DMD: variants seen among roughly 807,000 people sequenced by gnomAD.
DMD encodes the protein dystrophin, also known as mutant dystrophin.
In DMD, 63 loss-of-function variants were observed where a neutral mutation model predicts 330.1. The ratio of observed to expected loss-of-function variants is 0.19; its 90% CI spans 0.16 to 0.24. DMD has a LOEUF of 0.24. Among genes scored for constraint, DMD ranks in the 10% least tolerant of loss-of-function variants. The pLI is 1.00. For missense variants in DMD, 3,344 were observed against 2,684.1 expected (o/e 1.25, Z -5.43); for synonymous variants, 1,223 against 959.8 (o/e 1.27, Z -5.07).
Position 31,995,176 on chromosome X carries a change from T to TTAC in DMD, c.6439-26663_6439-26662insGTA, listed in dbSNP as rs760667488. ...GAGCGCATAAGTTATTACATTTGTA[T>TTAC]TTACTTACTTAAATATTTATTCATT... On this transcript the variant is annotated intron_variant, in intron 44 of 78. Transcript: ENST00000357033. Among the ~76,000 whole-genome samples the TTAC allele has an allele frequency of 6.2e-5, 7 of 112,018 alleles. No individual in the cohort carries two copies. In the East Asian group the frequency reaches 2.0e-3, roughly 32 times the overall value.
chrX:32,730,243 G>C (rs1367682878), intron 7 of DMD, among the ~76,000 whole-genome samples: 1 of 112,269 alleles, frequency 8.9e-6, no homozygotes, highest in Non-Finnish European at 1.9e-5. Flanking sequence ...TTACTCAGGA[G>C]GCTGAGCTAG....
At chrX:31,952,219 T>G (rs2095191042) in intron 45 of DMD, among the ~76,000 whole-genome samples, 1 of 111,608 alleles carries the variant, frequency 9.0e-6, no homozygotes, top group Non-Finnish European at 1.9e-5. Context: ...TTTATTCTAT[T>G]TGGGGTTTGT....
In DMD at chrX:33,096,796, G is replaced by A. The variant is rs751304834; in HGVS notation, c.32-76596C>T. On this transcript the variant is annotated intron_variant, in intron 1 of 78. Coordinates refer to ENST00000357033, the MANE Select transcript of DMD (RefSeq NM_004006.3). ...GCTGGGATTATAGGCGCGAGCCACC[G>A]CACCTGGCCAAAGGGACAATATTTC... Among the ~76,000 whole-genome samples the A allele has an allele frequency of 5.3e-5, 6 of 112,599 alleles. No individual in the cohort carries two copies. The South Asian group carries it at 1.4e-3, about 27-fold the overall frequency.
chrX:32,974,170 A>G (rs2092471087), intron 2 of DMD, among the ~76,000 whole-genome samples: 1 of 111,993 alleles, frequency 8.9e-6, no homozygotes, highest in Non-Finnish European at 1.9e-5. Context: ...ACATTATGCA[A>G]AATGAAAGAT....
intron 37 of DMD, among the ~76,000 whole-genome samples, chrX:32,359,384 T>C (rs2097821811): frequency 8.9e-6 from 1 of 112,179 alleles, no homozygotes; most frequent in Non-Finnish European, 1.9e-5. Flanking sequence ...CTGAAATTAC[T>C]GATTACAAAG....
intron 7 of DMD, among the ~76,000 whole-genome samples, chrX:32,790,071 G>A (rs1237896055): frequency 1.8e-5 from 2 of 111,500 alleles, no homozygotes; most frequent in Admixed American, 9.6e-5. Flanking sequence ...AACTCCACAC[G>A]ATTGCCATAA....
chrX:32,536,509 C>T (rs780353128), intron 17 of DMD, among the ~76,000 whole-genome samples: 7 of 111,739 alleles, frequency 6.3e-5, no homozygotes, highest in Admixed American at 1.9e-4. Flanking sequence ...TAGGGCAGTG[C>T]GGAACAAAGT....
chrX:31,405,318 G>C (rs1001309329), intron 60 of DMD, among the ~76,000 whole-genome samples: 1 of 112,077 alleles, frequency 8.9e-6, no homozygotes, highest in Non-Finnish European at 1.9e-5. Flanking sequence ...GTTTAAAATG[G>C]AAAGACATGG....
At chrX:32,432,448 G>A (rs188900623) in intron 29 of DMD, among the ~76,000 whole-genome samples, 195 of 111,371 alleles carry the variant, frequency 1.8e-3, no homozygotes, top group African/African-American at 5.8e-3. Flanking sequence ...ATACTTCTTT[G>A]AAAGCAACAT....
At chrX:32,758,857 C>A (rs1301089273) in intron 7 of DMD, among the ~76,000 whole-genome samples, 1 of 111,614 alleles carries the variant, frequency 9.0e-6, no homozygotes, top group Non-Finnish European at 1.9e-5. Context: ...AAAGCCAGAA[C>A]AATGAGACCA....
chrX:33,206,806 T>C (rs757673660), intron 1 of DMD, among the ~76,000 whole-genome samples: 2 of 111,573 alleles, frequency 1.8e-5, no homozygotes, highest in South Asian at 7.5e-4. Flanking sequence ...TACTGATCTT[T>C]GTGTTTTTAA....
intron 9 of DMD, among the ~76,000 whole-genome samples, chrX:32,695,717 C>T (rs1433246438): frequency 9.0e-6 from 1 of 111,683 alleles, no homozygotes; most frequent in Non-Finnish European, 1.9e-5. Context: ...ATACAATGAT[C>T]ATTTGCATAC....
At chrX:32,809,919 C>CCAAAAAAAA (rs2077222247) in intron 6 of DMD, among the ~76,000 whole-genome samples, 2 of 28,659 alleles carry the variant, frequency 7.0e-5, no homozygotes, top group African/African-American at 2.7e-4. Flanking sequence ...TTGTTTCTAC[C>CCAAAAAAAA]AAAAAAAAAA....
intron 7 of DMD, among the ~76,000 whole-genome samples, chrX:32,803,965 T>G (rs2076773106): frequency 1.8e-5 from 2 of 112,091 alleles, no homozygotes; most frequent in African/African-American, 6.5e-5. Flanking sequence ...AGATGTCTAT[T>G]AGGTCTGCTT....
rs767094185 is a variant in DMD at position 32,254,360 on chromosome X, A to G, written c.6290+33169T>C. ...CCTGGCCTATTCTTTTTTGTTTTAT[A>G]TAAGAAGTGTAGCATATAATAATGT... On this transcript the variant is annotated intron_variant, in intron 43 of 78. Transcript: ENST00000357033. Among the ~76,000 whole-genome samples, 22 of 112,265 alleles carry G rather than the reference A, an allele frequency of 2.0e-4. No individual in the cohort carries two copies. In the South Asian group the frequency reaches 4.1e-3, roughly 21 times the overall value.
chrX:31,935,053 C>T (rs1362836166), intron 45 of DMD, among the ~76,000 whole-genome samples: 2 of 111,897 alleles, frequency 1.8e-5, no homozygotes, highest in Non-Finnish European at 3.8e-5. Flanking sequence ...GGAATGCCTA[C>T]GGTGCTCTTC....
intron 60 of DMD, among the ~76,000 whole-genome samples, chrX:31,393,675 A>G (rs2060789576): frequency 9.0e-6 from 1 of 110,886 alleles, no homozygotes; most frequent in Admixed American, 9.7e-5. Context: ...TGTCTCATCT[A>G]ATCCTCAGAC....
chrX:33,232,052 T>C (rs973075257), intron 1 of DMD, among the ~76,000 whole-genome samples: 2 of 111,578 alleles, frequency 1.8e-5, no homozygotes, highest in Non-Finnish European at 3.8e-5. Context: ...ATTTAAAATT[T>C]AGAGAGAAAA....
chrX:32,205,039 A>ACACACACACACC (rs2097060846), intron 44 of DMD, among the ~76,000 whole-genome samples: 1 of 86,558 alleles, frequency 1.2e-5, no homozygotes, highest in African/African-American at 4.5e-5. Flanking sequence ...ACACACACAC[A>ACACACACACACC]CACCCACACA....
Sources: gnomAD v4.1 joint callset for allele counts (sites outside exome capture counted in the v4.1 genomes callset) on GRCh38, gnomAD v4.1.1 for gene constraint, MANE v1.5 for transcripts, NCBI Gene and HGNC (gene_info 2026-07-23, HGNC 2026-07-21) for gene names.